The following OXR1 variants were observed in gnomAD, a reference collection of about 807,000 sequenced individuals.
OXR1 encodes the protein oxidation resistance 1.
A neutral mutation model predicts 104.6 loss-of-function variants in OXR1; 41 were observed. That is an observed-to-expected ratio of 0.39 (90% confidence interval 0.31 to 0.51). OXR1 has a LOEUF of 0.51. OXR1 is among the 20% of genes least tolerant of loss of function. The pLI, the probability that OXR1 is intolerant of heterozygous loss-of-function variation, is 0.77. For synonymous variants in OXR1, 348 were observed against 348.4 expected (o/e 1.00, Z 0.01); for missense variants, 955 against 1,031.9 (o/e 0.93, Z 1.02).
At chr8:106,649,556 G>GAAA (rs34066181) in intron 3 of OXR1, among the ~76,000 whole-genome samples, 2 of 123,160 alleles carry the variant, frequency 1.6e-5, no homozygotes, top group African/African-American at 3.0e-5. Context: ...TACTTTTTTG[G>GAAA]AAAAAAAAAA....
At chr8:106,296,247 G>A (rs1812990077) in intron 1 of OXR1, among the ~76,000 whole-genome samples, 1 of 151,944 alleles carries the variant, frequency 6.6e-6, no homozygotes, top group South Asian at 2.1e-4. Context: ...ATCAACTTTC[G>A]CTTAGCTACA....
chr8:106,724,933 C>T (rs1470648082), intron 11 of OXR1, among the ~76,000 whole-genome samples: 1 of 152,112 alleles, frequency 6.6e-6, no homozygotes, highest in African/African-American at 2.4e-5. Context: ...GAAAATGTAG[C>T]TGGAAGTTAT....
intron 3 of OXR1, among the ~76,000 whole-genome samples, chr8:106,612,378 T>G (rs1225378422): frequency 1.3e-5 from 2 of 152,160 alleles, no homozygotes; most frequent in African/African-American, 2.4e-5. Flanking sequence ...TTGATGTAAG[T>G]ACCTAAACAA....
At chr8:106,402,841 G>T (rs764232321) in intron 2 of OXR1, among the ~76,000 whole-genome samples, 1 of 151,612 alleles carries the variant, frequency 6.6e-6, no homozygotes, top group Non-Finnish European at 1.5e-5. Flanking sequence ...TTCTTTTTGA[G>T]ACAGAATCTC....
intron 2 of OXR1, among the ~76,000 whole-genome samples, chr8:106,444,618 A>G (rs538048365): frequency 3.3e-5 from 5 of 152,236 alleles, no homozygotes; most frequent in African/African-American, 7.2e-5. Flanking sequence ...GTTCTCATTC[A>G]TAAGTGGGAG....
At chr8:106,285,712 A>G (rs756456386) in intron 1 of OXR1, among the ~76,000 whole-genome samples, 2 of 152,044 alleles carry the variant, frequency 1.3e-5, no homozygotes, top group Non-Finnish European at 2.9e-5. Flanking sequence ...TTAAACAAGG[A>G]TATTCAGAGG....
intron 3 of OXR1, among the ~76,000 whole-genome samples, chr8:106,672,519 AG>A (rs1385221078): frequency 2.6e-4 from 7 of 27,342 alleles, no homozygotes; most frequent in Admixed American, 5.5e-4. Context: ...AGAAAGAAAG[AG>A]AGAGAGAGAG....
intron 3 of OXR1, among the ~76,000 whole-genome samples, chr8:106,630,822 T>C (rs919163602): frequency 6.6e-5 from 10 of 152,200 alleles, no homozygotes; most frequent in Admixed American, 2.0e-4. Context: ...ATTCCTTGCT[T>C]TCTGTTTCTA....
intron 1 of OXR1, among the ~76,000 whole-genome samples, chr8:106,353,180 C>T (rs1048903323): frequency 2.6e-5 from 4 of 151,998 alleles, no homozygotes; most frequent in Admixed American, 2.0e-4. Flanking sequence ...AAAACCCCAT[C>T]TCTGCAAAAA....
chr8:106,356,907 G>A (rs1464045162), intron 1 of OXR1, among the ~76,000 whole-genome samples: 1 of 152,048 alleles, frequency 6.6e-6, no homozygotes, highest in Non-Finnish European at 1.5e-5. Context: ...CAGGTGTTCA[G>A]ACCTAACACA....
intron 6 of OXR1, among the ~76,000 whole-genome samples, chr8:106,688,690 G>A (rs1164140792): frequency 6.6e-6 from 1 of 152,066 alleles, no homozygotes; most frequent in Non-Finnish European, 1.5e-5. Flanking sequence ...TTAACCCCAT[G>A]AGGTAGGTAC....
intron 11 of OXR1, among the ~76,000 whole-genome samples, chr8:106,717,262 T>A (rs994037980): frequency 3.9e-5 from 6 of 152,198 alleles, no homozygotes; most frequent in African/African-American, 1.4e-4. Flanking sequence ...TAATTTTAAA[T>A]GTTAACATGA....
chr8:106,603,669 C>A (rs552344559), intron 3 of OXR1, among the ~76,000 whole-genome samples: 140 of 152,170 alleles, frequency 9.2e-4, no homozygotes, highest in Non-Finnish European at 1.5e-3. Flanking sequence ...GTAATTCTCC[C>A]TTAAAAAGAA....
At chr8:106,610,419 C>A (rs777547057) in intron 3 of OXR1, among the ~76,000 whole-genome samples, 3 of 152,214 alleles carry the variant, frequency 2.0e-5, no homozygotes, top group African/African-American at 7.2e-5. Flanking sequence ...CTTGTTCATG[C>A]TCTGCTTAAA....
chr8:106,281,667 G>T (rs1177039360), intron 1 of OXR1, among the ~76,000 whole-genome samples: 1 of 152,070 alleles, frequency 6.6e-6, no homozygotes, highest in East Asian at 1.9e-4. Context: ...GGGTGCACTG[G>T]CGCACGCCTG....
At chr8:106,367,995 G>T (rs147732628) in intron 2 of OXR1, among the ~76,000 whole-genome samples, 26 of 152,224 alleles carry the variant, frequency 1.7e-4, no homozygotes, top group Non-Finnish European at 2.9e-4. Context: ...GTAGCAGGGA[G>T]GCATGTAGGC....
At position 106,679,246 on chromosome 8, in the gene OXR1, G is replaced by A. The variant is rs1416229721; in HGVS notation, c.257G>A (p.Gly86Glu). 3 of 1,610,460 alleles carry A rather than the reference G, an allele frequency of 1.9e-6. No individual in the cohort carries two copies. The highest frequency in any genetic ancestry group is 1.3e-5 in the African/African-American group (1 of 74,766). The change falls in exon 4 of 17, where the codon GGA (glycine) becomes GAA (glutamate). Residue 86 changes from glycine (G) to glutamate (E), a missense_variant. Coordinates refer to ENST00000517566, the MANE Select transcript of OXR1 (RefSeq NM_001198533.2). Reference protein sequence around the residue: ...GQKKTLDKKDGRRMSFQKPKG... With the variant: ...GQKKTLDKKDERRMSFQKPKG... ...AAGAAGACCCTAGACAAGAAAGATG[G>A]AAGACGAATGTCTTTTCAGAAACCT... is the stretch of plus-strand genomic sequence containing the variant.
At chr8:106,384,799 CT>C (rs1372789594) in intron 2 of OXR1, among the ~76,000 whole-genome samples, 3 of 150,324 alleles carry the variant, frequency 2.0e-5, no homozygotes, top group African/African-American at 7.3e-5. Context: ...ACTGTAATCT[CT>C]GCTTCCAGGG....
At chr8:106,710,907 A>G (rs1057475000) in intron 10 of OXR1, 117 bp downstream of exon 10, 3 of 655,936 alleles carry the variant, frequency 4.6e-6, no homozygotes, top group African/African-American at 1.9e-5. Flanking sequence ...TTAAAAGCAG[A>G]CAATAAGTCT....
Sources: allele counts gnomAD v4.1 joint callset (sites outside exome capture counted in the v4.1 genomes callset), GRCh38; gene constraint gnomAD v4.1.1; transcripts MANE v1.5; gene names NCBI Gene and HGNC (gene_info 2026-07-23, HGNC 2026-07-21).